SMARCA1: variants seen among roughly 807,000 people sequenced by gnomAD.
SMARCA1 encodes the protein SNF2 related chromatin remodeling ATPase 1, also known as SWI/SNF-related matrix-associated actin-dependent regulator of chromatin subfamily A member 1.
In SMARCA1, 17 loss-of-function variants were observed where a neutral mutation model predicts 93.6. That is an observed-to-expected ratio of 0.18 (90% CI 0.12 to 0.27). The LOEUF is 0.27. SMARCA1 is among the 10% of genes least tolerant of loss of function. The probability of loss-of-function intolerance (pLI) is 1.00; values close to 1 mark genes in which losing one functional copy is unlikely to be tolerated. For synonymous variants in SMARCA1, 271 were observed against 271.4 expected, an observed-to-expected ratio of 1.00 and a Z score of 0.01; for missense variants, 630 against 819.0, an observed-to-expected ratio of 0.77 and a Z score of 2.82.
chrX:129,490,949 T>C (rs1467086774), intron 14 of SMARCA1, among the ~76,000 whole-genome samples: 1 of 112,095 alleles, frequency 8.9e-6, no homozygotes, highest in Non-Finnish European at 1.9e-5. Flanking sequence ...TCCTGAAAGA[T>C]GGGATGCACA....
At chrX:129,452,981 G>A (rs1932384421) in intron 23 of SMARCA1, among the ~76,000 whole-genome samples, 2 of 111,346 alleles carry the variant, frequency 1.8e-5, no homozygotes, top group Middle Eastern at 4.6e-3. Context: ...TGGTCAGTGA[G>A]CTTTTATGTT....
chrX:129,496,106 G>A (rs1331387686), intron 12 of SMARCA1, among the ~76,000 whole-genome samples: 1 of 100,174 alleles, frequency 1.0e-5, no homozygotes, highest in Non-Finnish European at 2.0e-5. Flanking sequence ...TGACATTTGT[G>A]AGGAATAATC....
chrX:129,513,175 T>C (rs1460369394), intron 5 of SMARCA1, among the ~76,000 whole-genome samples: 1 of 111,890 alleles, frequency 8.9e-6, no homozygotes, highest in Admixed American at 9.6e-5. Flanking sequence ...TAATTATTCA[T>C]TTTTTTCCAA....
Position 129,511,996 on chromosome X carries a change from C to A in SMARCA1, c.631-13G>T. ...TTTTCCCAAGGCCCTGCATTATCATCACAAGGAAAAAAATCCATGAACATT... is the reference window on the plus strand; with the variant it reads ...TTTTCCCAAGGCCCTGCATTATCATAACAAGGAAAAAAATCCATGAACATT... On this transcript the variant is annotated splice_polypyrimidine_tract_variant and intron_variant, in intron 5 of 24. Transcript: ENST00000371121. 8.7e-7 allele frequency: 1 copy of A among 1,143,699 alleles called. No homozygotes were observed. Among genetic ancestry groups the A allele is most frequent in the Admixed American group, 2.7e-5 (1 of 37,309 alleles). The allele number at this position is 1,143,699 out of a possible 1,213,427, so 94.3% of individuals were successfully genotyped here.
intron 6 of SMARCA1, among the ~76,000 whole-genome samples, chrX:129,509,570 G>A (rs3131261): frequency 0.14 from 15,371 of 111,672 alleles, 1,632 homozygotes; most frequent in African/African-American, 0.37. Flanking sequence ...CAAGTTTCAT[G>A]CAACAAATGC....
intron 1 of SMARCA1, among the ~76,000 whole-genome samples, chrX:129,520,138 C>CGTGTGTGT (rs374631579): frequency 0.022 from 2,139 of 96,685 alleles, 23 homozygotes; most frequent in East Asian, 0.087. Context: ...AACCTTCTCT[C>CGTGTGTGT]GTGTGTGTGT....
intron 9 of SMARCA1, 142 bp downstream of exon 9, chrX:129,504,592 G>T: frequency 4.8e-5 from 11 of 227,006 alleles, no homozygotes; most frequent in South Asian, 1.2e-4. Flanking sequence ...CAAAGAGGCT[G>T]TCAGAAAGGT....
At chrX:129,517,258 C>T (rs761497317) in intron 2 of SMARCA1, among the ~76,000 whole-genome samples, 37 of 110,743 alleles carry the variant, frequency 3.3e-4, no homozygotes, top group African/African-American at 9.2e-4. Context: ...GGAACGTGTA[C>T]CATATACAGG....
At chrX:129,522,407 G>T (rs1364137018) in intron 1 of SMARCA1, among the ~76,000 whole-genome samples, 1 of 109,725 alleles carries the variant, frequency 9.1e-6, no homozygotes, top group Non-Finnish European at 1.9e-5. Flanking sequence ...GGGCCGGATT[G>T]AGGGACCATT....
Position 129,482,940 on chromosome X carries a change from C to G in SMARCA1, c.2218-1755G>C, listed in dbSNP as rs150664728. 9.3e-3 allele frequency among the ~76,000 whole-genome samples: 1,030 copies of G among 110,866 alleles called. 8 individuals carry two copies. The highest frequency in any genetic ancestry group is 0.032 in the African/African-American group (982 of 30,509). On this transcript the variant is annotated intron_variant, in intron 17 of 24. Coordinates refer to ENST00000371121, the MANE Select transcript of SMARCA1 (RefSeq NM_001282874.2). ...TCGTATTTTAAGAGTGGATAATAAA[C>G]CAAGATGACCAGTATGGTTAGAGAT...
chrX:129,485,044 A>C (rs1023925523), intron 17 of SMARCA1, among the ~76,000 whole-genome samples: 3 of 112,597 alleles, frequency 2.7e-5, no homozygotes, highest in African/African-American at 9.7e-5. Flanking sequence ...TCCTACACAA[A>C]GTCCCCAACA....
At chrX:129,478,853 G>A (rs1933511635) in intron 19 of SMARCA1, among the ~76,000 whole-genome samples, 1 of 111,719 alleles carries the variant, frequency 9.0e-6, no homozygotes, top group African/African-American at 3.3e-5. Context: ...TCCTTATTTA[G>A]GACTGCAGAA....
intron 13 of SMARCA1, among the ~76,000 whole-genome samples, chrX:129,492,370 G>C (rs751420954): frequency 2.8e-4 from 31 of 111,250 alleles, no homozygotes; most frequent in Non-Finnish European, 4.9e-4. Context: ...TACAAATTTA[G>C]AACAATTACA....
rs746999371 is a variant in SMARCA1, at chrX:129,469,047, T to C, written c.2566-142A>G. ...TCTCCTTATAAAATTGCACATATTT[T>C]ATGTTGGAATCAAAAGTTGAGTGAG... On this transcript the variant is annotated intron_variant, in intron 20 of 24. Coordinates refer to ENST00000371121, the MANE Select transcript of SMARCA1 (RefSeq NM_001282874.2). The C allele has an allele frequency of 1.5e-4, 52 of 357,998 alleles. No homozygotes were observed. The Admixed American group carries it at 3.0e-3, about 21-fold the overall frequency. The allele number at this position is 357,998 out of a possible 1,213,427, so 29.5% of individuals were successfully genotyped here.
chrX:129,447,223 C>CT lies in SMARCA1; in HGVS notation c.3151dup (p.Arg1051LysfsTer8). On this transcript the variant is annotated frameshift_variant, in exon 25 of 25. Transcript: ENST00000371121. LOFTEE classifies it high-confidence loss of function. ...GCTCTCAGTAGCTGACTCTGCTTTT[C>CT]TTTTCTGTGACTAAAATGGAAACAG... The CT allele has an allele frequency of 8.8e-7, 1 of 1,134,036 alleles. No individual in the cohort carries two copies. Among genetic ancestry groups the CT allele is most frequent in the Non-Finnish European group, 1.2e-6 (1 of 857,457 alleles). 93.5% of individuals were successfully genotyped at this position (1,134,036 alleles called of 1,213,427 possible). A position where few individuals can be genotyped will look rare whatever the true frequency, so the allele number is the denominator to read the frequency against.
At chrX:129,503,419 G>C (rs962060982) in intron 9 of SMARCA1, among the ~76,000 whole-genome samples, 1 of 111,975 alleles carries the variant, frequency 8.9e-6, no homozygotes, top group Non-Finnish European at 1.9e-5. Context: ...TCCAGGTTAC[G>C]GTTTTTAGGC....
At chrX:129,504,568 A>AC (rs1556313715) in intron 9 of SMARCA1, among the ~76,000 whole-genome samples, 166 bp downstream of exon 9, 4 of 98,024 alleles carry the variant, frequency 4.1e-5, no homozygotes, top group African/African-American at 1.7e-4. Context: ...AAAAAAAAAA[A>AC]AAAAAAAAAA....
At chrX:129,501,326 C>T (rs1172982578) in intron 9 of SMARCA1, among the ~76,000 whole-genome samples, 5 of 108,743 alleles carry the variant, frequency 4.6e-5, no homozygotes, top group Middle Eastern at 4.6e-3. Context: ...GACAGAGTCT[C>T]GCTCTGTCAC....
intron 19 of SMARCA1, among the ~76,000 whole-genome samples, chrX:129,479,653 A>ATATTTTATTTTATTTTATTTTATTT (rs3069688): frequency 1.5e-4 from 14 of 94,050 alleles, no homozygotes; most frequent in African/African-American, 6.0e-4. Flanking sequence ...AATAGTGTTA[A>ATATTTTATTTTATTTTATTTTATTT]TATTTTATTT....
Sources: allele counts gnomAD v4.1 joint callset (sites outside exome capture counted in the v4.1 genomes callset), GRCh38; gene constraint gnomAD v4.1.1; transcripts MANE v1.5; gene names NCBI Gene and HGNC (gene_info 2026-07-23, HGNC 2026-07-21).